The following TNNI3K variants were observed in gnomAD, a reference collection of about 807,000 sequenced individuals.
TNNI3K encodes the protein TNNI3 interacting kinase.
In TNNI3K, 140 loss-of-function variants were observed where a neutral mutation model predicts 114.5. That is an observed-to-expected ratio of 1.22 (90% CI 1.07 to 1.41). The LOEUF is 1.41. Among genes scored for constraint, TNNI3K ranks in the 40% most tolerant of loss-of-function variants. TNNI3K has a pLI of 0.00. For missense variants in TNNI3K, 1,125 were observed against 1,007.6 expected (o/e 1.12, Z -1.58); for synonymous variants, 347 against 347.5 (o/e 1.00, Z 0.02).
chr1:74,316,377 A>G lies in TNNI3K; in HGVS notation c.445-15073A>G, dbSNP rs116760381. Reference sequence around the variant, plus strand: ...ATGAGATATGCCACTCTGCTGTTCCAAAGACTTCCCATATTATTCAGAACA... The same window carrying G: ...ATGAGATATGCCACTCTGCTGTTCCGAAGACTTCCCATATTATTCAGAACA... On this transcript the variant is annotated intron_variant, in intron 5 of 24. Coordinates refer to ENST00000326637, the MANE Select transcript of TNNI3K (RefSeq NM_015978.3). Among the ~76,000 whole-genome samples the G allele has an allele frequency of 4.5e-3, 687 of 152,260 alleles. 8 individuals carry two copies. The highest frequency in any genetic ancestry group is 0.016 in the African/African-American group (651 of 41,552).
intron 23 of TNNI3K, among the ~76,000 whole-genome samples, chr1:74,510,356 A>G (rs1670123523): frequency 6.6e-6 from 1 of 151,992 alleles, no homozygotes; most frequent in Non-Finnish European, 1.5e-5. Context: ...AATACAAAAA[A>G]TATTAGCCGG....
At chr1:74,339,835 A>G (rs1660663465) in intron 7 of TNNI3K, among the ~76,000 whole-genome samples, 2 of 152,136 alleles carry the variant, frequency 1.3e-5, no homozygotes, top group Admixed American at 6.6e-5. Context: ...AGCCTTCAAA[A>G]TATGCCATTT....
intron 21 of TNNI3K, among the ~76,000 whole-genome samples, chr1:74,485,975 C>G (rs1182112790): frequency 6.6e-6 from 1 of 152,104 alleles, no homozygotes; most frequent in African/African-American, 2.4e-5. Context: ...AAACTCTGAG[C>G]AAAGGACCCG....
chr1:74,534,397 G>A (rs1472646205), intron 23 of TNNI3K, among the ~76,000 whole-genome samples: 2 of 152,104 alleles, frequency 1.3e-5, no homozygotes, highest in Non-Finnish European at 2.9e-5. Flanking sequence ...AGCAATTGTG[G>A]CACTAGCAAA....
At chr1:74,461,753 G>T (rs141351864) in intron 20 of TNNI3K, among the ~76,000 whole-genome samples, 1 of 152,228 alleles carries the variant, frequency 6.6e-6, no homozygotes, top group African/African-American at 2.4e-5. Flanking sequence ...TTGTTGTACC[G>T]AAGTCTTTAA....
intron 20 of TNNI3K, among the ~76,000 whole-genome samples, chr1:74,443,940 TC>T (rs1304451198): frequency 4.6e-5 from 7 of 151,972 alleles, no homozygotes; most frequent in African/African-American, 1.7e-4. Context: ...TCAGAAAAGG[TC>T]TTTGATACAA....
chr1:74,341,565 T>G (rs1460554042), intron 7 of TNNI3K: 2 of 150,820 alleles, frequency 1.3e-5, no homozygotes, highest in Non-Finnish European at 3.0e-5. Context: ...TGTTTCTGTT[T>G]TTTTTTTTTT....
At chr1:74,505,141 A>G (rs902410737) in intron 23 of TNNI3K, among the ~76,000 whole-genome samples, 5 of 152,218 alleles carry the variant, frequency 3.3e-5, no homozygotes, top group African/African-American at 1.2e-4. Flanking sequence ...ATCAAAGCAC[A>G]CAGATCCCGC....
intron 7 of TNNI3K, chr1:74,341,990 G>A (rs1442737699): frequency 6.6e-6 from 1 of 152,306 alleles, no homozygotes; most frequent in Non-Finnish European, 1.5e-5. Context: ...CCAGGGAACT[G>A]TTGAGAGTAA....
intron 11 of TNNI3K, among the ~76,000 whole-genome samples, chr1:74,356,427 TA>T (rs1191637870): frequency 6.6e-6 from 1 of 152,156 alleles, no homozygotes; most frequent in Non-Finnish European, 1.5e-5. Context: ...AAAATCTAGG[TA>T]GCTCTATATC....
At chr1:74,539,759 C>T (rs911305670) in intron 23 of TNNI3K, among the ~76,000 whole-genome samples, 5 of 150,828 alleles carry the variant, frequency 3.3e-5, no homozygotes, top group Non-Finnish European at 7.4e-5. Context: ...ATATGTAAAG[C>T]GATATATATA....
At chr1:74,271,732 T>C (rs759874798) in intron 5 of TNNI3K, 24 bp downstream of exon 5, 9 of 1,579,994 alleles carry the variant, frequency 5.7e-6, no homozygotes, top group Non-Finnish European at 7.8e-6. Context: ...TTGGCACCTG[T>C]GAAAACAAAG....
intron 17 of TNNI3K, among the ~76,000 whole-genome samples, chr1:74,380,697 T>A (rs1379429210): frequency 6.6e-6 from 1 of 152,184 alleles, no homozygotes; most frequent in African/African-American, 2.4e-5. Flanking sequence ...CTGTTTGGCT[T>A]CGTTTCTTCT....
chr1:74,542,246 T>C lies in TNNI3K; in HGVS notation c.2432-1660T>C, dbSNP rs7556370. On this transcript the variant is annotated intron_variant, in intron 24 of 24. Coordinates refer to ENST00000326637, the MANE Select transcript of TNNI3K (RefSeq NM_015978.3). The stretch of plus-strand genomic sequence containing the variant: ...ACATATGTCCACAATCAAATTTCCA[T>C]TGGAGTCCTGTGGGGCAAGAGGCAC... Among the ~76,000 whole-genome samples the C allele has an allele frequency of 4.8e-3, 724 of 152,292 alleles. 4 individuals carry two copies. The highest frequency in any genetic ancestry group is 0.016 in the African/African-American group (668 of 41,556).
At chr1:74,352,290 G>T (rs924030161) in intron 9 of TNNI3K, among the ~76,000 whole-genome samples, 3 of 152,180 alleles carry the variant, frequency 2.0e-5, no homozygotes, top group Admixed American at 2.0e-4. Flanking sequence ...GTGGATATTG[G>T]TGAACCGCAA....
In TNNI3K at chr1:74,492,130, T is replaced by C; in HGVS notation, c.2215T>C (p.Ser739Pro). Residue 739 changes from serine (S) to proline (P), a missense_variant, in exon 23 of 25, where the codon TCT (serine) becomes CCT (proline). Coordinates refer to ENST00000326637, the MANE Select transcript of TNNI3K (RefSeq NM_015978.3). ...TCCTGCATCAAGTAACAGCAGTGGGTCTCTCTCACCTTCTTCTTCTTCTGA... is the reference window on the plus strand; with the variant it reads ...TCCTGCATCAAGTAACAGCAGTGGGCCTCTCTCACCTTCTTCTTCTTCTGA... ...MSPASSNSSG[S>P]LSPSSSSDCL... 1 of 1,611,282 alleles carries C rather than the reference T, an allele frequency of 6.2e-7. No homozygotes were observed. Among genetic ancestry groups the C allele is most frequent in the East Asian group, 2.2e-5 (1 of 44,850 alleles).
chr1:74,469,124 C>T (rs1019101296), intron 21 of TNNI3K: 4 of 152,436 alleles, frequency 2.6e-5, no homozygotes, highest in African/African-American at 9.7e-5. Flanking sequence ...CATTAAAATT[C>T]CTTTTGTTCA....
In TNNI3K at chr1:74,261,337, T is replaced by A. The variant is rs1335822040; in HGVS notation, c.334-10261T>A. 3.3e-5 allele frequency among the ~76,000 whole-genome samples: 5 copies of A among 152,190 alleles called. No homozygotes were observed. In the East Asian group the frequency reaches 9.6e-4, roughly 29 times the overall value. ...CCCATGTAGAATTTTAAGTATATAT[T>A]ATACTTTGGGTACTATATGTGACAT... On this transcript the variant is annotated intron_variant, in intron 4 of 24. Coordinates refer to ENST00000326637, the MANE Select transcript of TNNI3K (RefSeq NM_015978.3).
At chr1:74,335,782 G>A (rs544635837) in intron 6 of TNNI3K, among the ~76,000 whole-genome samples, 11 of 152,250 alleles carry the variant, frequency 7.2e-5, no homozygotes, top group African/African-American at 2.4e-4. Context: ...ACTACCATGA[G>A]TTGATCTATC....
Sources: gnomAD v4.1 joint callset for allele counts (sites outside exome capture counted in the v4.1 genomes callset) on GRCh38, gnomAD v4.1.1 for gene constraint, MANE v1.5 for transcripts, NCBI Gene and HGNC (gene_info 2026-07-23, HGNC 2026-07-21) for gene names.